The following BRINP3 variants were observed in gnomAD, a reference collection of about 807,000 sequenced individuals.
BRINP3 encodes BMP/retinoic acid-inducible neural-specific protein 3.
A neutral mutation model predicts 71.0 loss-of-function variants in BRINP3; 19 were observed. That is an observed-to-expected ratio of 0.27 (90% confidence interval 0.19 to 0.39). BRINP3 has a LOEUF of 0.39. BRINP3 is among the 10% of genes least tolerant of loss of function. The pLI is 1.00. For missense variants in BRINP3, 959 were observed against 940.8 expected (o/e 1.02, Z -0.25); for synonymous variants, 380 against 337.7 (o/e 1.13, Z -1.37).
At chr1:190,396,685 C>A (rs1671587951) in intron 2 of BRINP3, among the ~76,000 whole-genome samples, 2 of 136,478 alleles carry the variant, frequency 1.5e-5, no homozygotes, top group South Asian at 2.3e-4. Context: ...TATACACAAA[C>A]AAACGCACTA....
At chr1:190,242,360 T>A (rs960796096) in intron 4 of BRINP3, among the ~76,000 whole-genome samples, 3 of 152,074 alleles carry the variant, frequency 2.0e-5, no homozygotes, top group African/African-American at 4.8e-5. Context: ...ATTAATATAG[T>A]GACTTAAAAT....
At chr1:190,118,245 T>C (rs2102307200) in intron 7 of BRINP3, among the ~76,000 whole-genome samples, 1 of 152,242 alleles carries the variant, frequency 6.6e-6, no homozygotes, top group South Asian at 2.1e-4. Flanking sequence ...GAAAATATGG[T>C]AGCAGTAGTG....
intron 2 of BRINP3, among the ~76,000 whole-genome samples, chr1:190,327,326 CAAA>C (rs1227478693): frequency 9.0e-5 from 4 of 44,244 alleles, no homozygotes; most frequent in African/African-American, 2.8e-4. Context: ...AAAAAAAGAA[CAAA>C]AAAAAAAAAA....
At chr1:190,305,730 A>G (rs1665050764) in intron 2 of BRINP3, among the ~76,000 whole-genome samples, 1 of 151,786 alleles carries the variant, frequency 6.6e-6, no homozygotes, top group South Asian at 2.1e-4. Flanking sequence ...ATATACAGAT[A>G]TTTGTAAATA....
intron 4 of BRINP3, among the ~76,000 whole-genome samples, chr1:190,262,975 A>G (rs556466286): frequency 1.1e-3 from 165 of 152,226 alleles, no homozygotes; most frequent in African/African-American, 3.8e-3. Context: ...AAGTATATGC[A>G]AATACCCATT....
At chr1:190,362,276 A>C (rs1669198595) in intron 2 of BRINP3, 1 of 152,164 alleles carries the variant, frequency 6.6e-6, no homozygotes, top group Admixed American at 6.5e-5. Flanking sequence ...ATAAACTAAT[A>C]AGCACGGTCT....
At chr1:190,392,258 TTAA>T (rs1342231117) in intron 2 of BRINP3, among the ~76,000 whole-genome samples, 2 of 151,704 alleles carry the variant, frequency 1.3e-5, no homozygotes, top group East Asian at 3.9e-4. Flanking sequence ...GGTTGTTGCC[TTAA>T]TAATGTCAAT....
chr1:190,393,676 T>C (rs1390475264), intron 2 of BRINP3, among the ~76,000 whole-genome samples: 1 of 151,600 alleles, frequency 6.6e-6, no homozygotes, highest in Non-Finnish European at 1.5e-5. Context: ...AAACTCAAAA[T>C]ATATTTTTGA....
At chr1:190,318,611 T>G (rs1260701728) in intron 2 of BRINP3, among the ~76,000 whole-genome samples, 1 of 151,986 alleles carries the variant, frequency 6.6e-6, no homozygotes, top group African/African-American at 2.4e-5. Flanking sequence ...GGGTCCCTAT[T>G]TTTTTTCCTC....
intron 2 of BRINP3, among the ~76,000 whole-genome samples, chr1:190,429,379 T>C (rs1418875988): frequency 6.6e-6 from 1 of 152,162 alleles, no homozygotes; most frequent in Non-Finnish European, 1.5e-5. Flanking sequence ...AAAAATATGG[T>C]AGACTTTTGT....
chr1:190,213,638 T>A (rs1369306110), intron 6 of BRINP3, among the ~76,000 whole-genome samples: 1 of 151,982 alleles, frequency 6.6e-6, no homozygotes, highest in African/African-American at 2.4e-5. Context: ...GCCATGATCA[T>A]GAATAAATTA....
At chr1:190,239,045 G>A (rs1407571292) in intron 4 of BRINP3, among the ~76,000 whole-genome samples, 2 of 152,256 alleles carry the variant, frequency 1.3e-5, no homozygotes, top group East Asian at 3.9e-4. Flanking sequence ...CATGGTGGCA[G>A]GTGAAAGAGA....
intron 2 of BRINP3, among the ~76,000 whole-genome samples, chr1:190,374,931 T>A (rs1471663049): frequency 6.6e-6 from 1 of 151,950 alleles, no homozygotes; most frequent in Non-Finnish European, 1.5e-5. Flanking sequence ...GGACATTAAG[T>A]CCATTAGAAC....
chr1:190,177,473 C>T (rs1376553596), intron 6 of BRINP3, among the ~76,000 whole-genome samples: 4 of 151,440 alleles, frequency 2.6e-5, no homozygotes, highest in South Asian at 2.1e-4. Context: ...GCACCACGCC[C>T]GGCCCGGGAG....
At chr1:190,228,298 T>C (rs1208161349) in intron 5 of BRINP3, among the ~76,000 whole-genome samples, 2 of 151,882 alleles carry the variant, frequency 1.3e-5, no homozygotes, top group Admixed American at 1.3e-4. Flanking sequence ...AATCAGTATA[T>C]ATTTATTAAA....
chr1:190,212,590 A>G (rs2102654865), intron 6 of BRINP3, among the ~76,000 whole-genome samples: 1 of 152,262 alleles, frequency 6.6e-6, no homozygotes, highest in Non-Finnish European at 1.5e-5. Flanking sequence ...CTGACATTCT[A>G]ACTGTTTGCA....
At chr1:190,451,983 C>A (rs989153494) in intron 2 of BRINP3, among the ~76,000 whole-genome samples, 1 of 152,140 alleles carries the variant, frequency 6.6e-6, no homozygotes, top group African/African-American at 2.4e-5. Flanking sequence ...ATGCAATATT[C>A]CCCTAGAATG....
At chr1:190,372,046 T>C (rs1233529719) in intron 2 of BRINP3, among the ~76,000 whole-genome samples, 3 of 152,170 alleles carry the variant, frequency 2.0e-5, no homozygotes, top group Admixed American at 6.5e-5. Flanking sequence ...ACGAGCATTT[T>C]AGAGTAGTCT....
At chr1:190,285,749 G>A (rs2102949275) in intron 2 of BRINP3, among the ~76,000 whole-genome samples, 1 of 151,400 alleles carries the variant, frequency 6.6e-6, no homozygotes, top group South Asian at 2.1e-4. Flanking sequence ...GTTTCCTGAA[G>A]ACAAGATTCA....
Sources: gnomAD v4.1 joint callset for allele counts (sites outside exome capture counted in the v4.1 genomes callset) on GRCh38, gnomAD v4.1.1 for gene constraint, MANE v1.5 for transcripts, NCBI Gene and HGNC (gene_info 2026-07-23, HGNC 2026-07-21) for gene names.